The following ZFHX4 variants were observed in gnomAD, a reference collection of about 807,000 sequenced individuals.
ZFHX4 encodes zinc finger homeobox 4.
A neutral mutation model predicts 267.6 loss-of-function variants in ZFHX4; 56 were observed. That is an observed-to-expected ratio of 0.21 (90% CI 0.17 to 0.26). ZFHX4 has a LOEUF of 0.26. ZFHX4 is among the 10% of genes least tolerant of loss of function. The probability of loss-of-function intolerance (pLI) is 1.00; values close to 1 mark genes in which losing one functional copy is unlikely to be tolerated. For synonymous variants in ZFHX4, 1,778 were observed against 1,665.6 expected, an observed-to-expected ratio of 1.07 and a Z score of -1.64; for missense variants, 4,332 against 4,420.0, an observed-to-expected ratio of 0.98 and a Z score of 0.56.
At chr8:76,778,841 A>C (rs1585935658) in intron 4 of ZFHX4, among the ~76,000 whole-genome samples, 1 of 152,186 alleles carries the variant, frequency 6.6e-6, no homozygotes, top group Non-Finnish European at 1.5e-5. Flanking sequence ...ACATTCTGAG[A>C]CAAAAAAAGA....
chr8:76,786,501 C>T (rs372659389), intron 4 of ZFHX4, among the ~76,000 whole-genome samples: 2 of 151,354 alleles, frequency 1.3e-5, no homozygotes, highest in South Asian at 2.1e-4. Flanking sequence ...CAAGTCAATG[C>T]GATATAGTAA....
intron 10 of ZFHX4, among the ~76,000 whole-genome samples, chr8:76,856,960 C>T (rs1400041077): frequency 1.3e-5 from 2 of 152,136 alleles, no homozygotes; most frequent in Non-Finnish European, 2.9e-5. Flanking sequence ...AATTCAGCAA[C>T]CTTAGAAATA....
Position 76,851,957 on chromosome 8 carries a change from T to C in ZFHX4, c.5036T>C (p.Ile1679Thr). ...ELNKKQTPDL[I>T]SAQPAHHPPQ... ...AATAAAAAGCAAACTCCTGATTTAA[T>C]CTCTGCTCAACCTGCACATCACCCA... The change falls in exon 10 of 11, where the codon ATC becomes ACC. Residue 1679 changes from isoleucine (I) to threonine (T), a missense_variant. This residue lies in a region of ZFHX4 where 1,371 missense variants were observed against 1,423.1 expected (regional missense o/e 0.96). Transcript: ENST00000651372. 1 of 1,613,962 alleles carries C rather than the reference T, an allele frequency of 6.2e-7. No homozygotes were observed. Among genetic ancestry groups the C allele is most frequent in the Non-Finnish European group, 8.5e-7 (1 of 1,179,866 alleles).
intron 4 of ZFHX4, among the ~76,000 whole-genome samples, chr8:76,783,739 T>C (rs1810614174): frequency 6.6e-6 from 1 of 152,080 alleles, no homozygotes; most frequent in East Asian, 1.9e-4. Flanking sequence ...AGATGGGTTT[T>C]TATTTAGCTT....
intron 4 of ZFHX4, among the ~76,000 whole-genome samples, chr8:76,784,956 A>C (rs73237576): frequency 6.6e-6 from 1 of 152,078 alleles, no homozygotes; most frequent in Non-Finnish European, 1.5e-5. Context: ...AATATGAAAT[A>C]CACAATCCAC....
chr8:76,711,669 CT>C (rs1808427917), intron 3 of ZFHX4, among the ~76,000 whole-genome samples: 1 of 152,144 alleles, frequency 6.6e-6, no homozygotes, highest in African/African-American at 2.4e-5. Flanking sequence ...AAAGAAACTC[CT>C]TTACTTCCAG....
At chr8:76,712,601 T>C (rs943443014) in intron 3 of ZFHX4, among the ~76,000 whole-genome samples, 3 of 152,100 alleles carry the variant, frequency 2.0e-5, no homozygotes, top group Non-Finnish European at 4.4e-5. Flanking sequence ...TACATAAAAG[T>C]CATTGTGTGA....
chr8:76,752,714 T>A (rs766409887), intron 3 of ZFHX4, among the ~76,000 whole-genome samples: 6 of 151,772 alleles, frequency 4.0e-5, no homozygotes, highest in Non-Finnish European at 8.8e-5. Context: ...AAACACCCCA[T>A]GCCCCCCACA....
rs1813026848 is a variant in ZFHX4 at position 76,866,320 on chromosome 8, G to T, written c.*1755G>T. On this transcript the variant is annotated 3_prime_UTR_variant, in exon 11 of 11. Transcript: ENST00000651372. ...TGTTTGACAGTTTAACTCAAGTCAT[G>T]CTTCAAACTGTTTTAATGATCAAAT... 6.6e-6 allele frequency: 1 copy of T among 152,560 alleles called. No individual in the cohort carries two copies. Among genetic ancestry groups the T allele is most frequent in the South Asian group, 2.1e-4 (1 of 4,826 alleles). 9.5% of individuals were successfully genotyped at this position (152,560 alleles called of 1,614,324 possible).
intron 1 of ZFHX4, among the ~76,000 whole-genome samples, chr8:76,686,895 C>G (rs1295695481): frequency 6.6e-6 from 1 of 152,130 alleles, no homozygotes; most frequent in Non-Finnish European, 1.5e-5. Flanking sequence ...AAATGAGGAG[C>G]CTTTCTGTGA....
intron 10 of ZFHX4, among the ~76,000 whole-genome samples, chr8:76,857,248 G>A (rs1219653106): frequency 6.6e-6 from 1 of 151,316 alleles, no homozygotes; most frequent in Non-Finnish European, 1.5e-5. Flanking sequence ...GGAAAACATG[G>A]TTCTTTTATA....
chr8:76,714,647 C>T (rs191564720), intron 3 of ZFHX4, among the ~76,000 whole-genome samples: 4 of 152,250 alleles, frequency 2.6e-5, no homozygotes, highest in Admixed American at 2.0e-4. Context: ...AATACACAGA[C>T]GATATCTCAA....
At chr8:76,763,821 C>T (rs2131735141) in intron 3 of ZFHX4, among the ~76,000 whole-genome samples, 1 of 152,218 alleles carries the variant, frequency 6.6e-6, no homozygotes, top group South Asian at 2.1e-4. Flanking sequence ...TATCCAATTA[C>T]AGCTGATACT....
rs752164405 is a variant in ZFHX4 at position 76,854,984 on chromosome 8, C to T, written c.8063C>T (p.Ser2688Leu). The T allele has an allele frequency of 1.2e-6, 2 of 1,613,968 alleles. No individual in the cohort carries two copies. The highest frequency in any genetic ancestry group is 2.2e-5 in the East Asian group (1 of 44,850). Residue 2688 changes from serine (S) to leucine (L), a missense_variant, in exon 10 of 11, where the codon TCG becomes TTG. Ser to Leu is a moderately radical substitution (Grantham distance 145). Transcript: ENST00000651372. Reference sequence around the variant, plus strand: ...TGCCGAGCCCTGTTTAAAGCAAAGTCGGCCTTAGAAAGCCACATTCGCTCT... The same window carrying T: ...TGCCGAGCCCTGTTTAAAGCAAAGTTGGCCTTAGAAAGCCACATTCGCTCT... ...PFCRALFKAK[S>L]ALESHIRSRH...
intron 10 of ZFHX4, among the ~76,000 whole-genome samples, chr8:76,860,299 T>C (rs1812833047): frequency 6.6e-6 from 1 of 152,132 alleles, no homozygotes; most frequent in South Asian, 2.1e-4. Context: ...CCTCAAGATG[T>C]TGAATTTTTT....
chr8:76,849,745 A>ACAGAT, intron 8 of ZFHX4, 33 bp downstream of exon 8: 1 of 1,569,796 alleles, frequency 6.4e-7, no homozygotes, highest in Non-Finnish European at 8.8e-7. Context: ...CATGTGTGAC[A>ACAGAT]TAATCTGTGT....
chr8:76,699,955 A>G (rs1202091113), intron 1 of ZFHX4, among the ~76,000 whole-genome samples: 1 of 151,806 alleles, frequency 6.6e-6, no homozygotes, highest in Non-Finnish European at 1.5e-5. Flanking sequence ...AGGTCTATTC[A>G]TTGCTTTGTC....
At chr8:76,723,556 C>G (rs1563485084) in intron 3 of ZFHX4, among the ~76,000 whole-genome samples, 1 of 142,892 alleles carries the variant, frequency 7.0e-6, no homozygotes, top group Non-Finnish European at 1.5e-5. Flanking sequence ...AATTCCCTTG[C>G]TTTTTTTTTT....
At chr8:76,782,285 C>T (rs1810571885) in intron 4 of ZFHX4, 1 of 389,496 alleles carries the variant, frequency 2.6e-6, no homozygotes, top group Non-Finnish European at 5.2e-6. Flanking sequence ...AATGTACACT[C>T]TGTCTGGCTA....
Sources: gnomAD v4.1 joint callset for allele counts (sites outside exome capture counted in the v4.1 genomes callset) on GRCh38, gnomAD v4.1.1 for gene constraint, gnomAD v4.1.1 regional missense constraint, MANE v1.5 for transcripts, NCBI Gene and HGNC (gene_info 2026-07-23, HGNC 2026-07-21) for gene names.